Variants in RAB8B observed in about 807,000 individuals in gnomAD.
The protein encoded by RAB8B is ras-related protein Rab-8B.
In RAB8B, 11 loss-of-function variants were observed where a neutral mutation model predicts 32.0. That is an observed-to-expected ratio of 0.34 (90% confidence interval 0.22 to 0.57). The LOEUF is 0.57. Ranked by LOEUF, RAB8B falls within the 20% of genes least tolerant of loss-of-function variation. The pLI is 0.86. For synonymous variants in RAB8B, 103 were observed against 89.6 expected (o/e 1.15, Z -0.85); for missense variants, 190 against 258.5 (o/e 0.73, Z 1.82).
intron 1 of RAB8B, among the ~76,000 whole-genome samples, chr15:63,226,716 G>A (rs938663281): frequency 1.3e-5 from 2 of 152,182 alleles, no homozygotes; most frequent in Non-Finnish European, 2.9e-5. Flanking sequence ...AAGGGGTTCT[G>A]ATCCAGACCC....
intron 1 of RAB8B, among the ~76,000 whole-genome samples, chr15:63,217,351 A>G (rs191177376): frequency 2.0e-5 from 3 of 152,308 alleles, no homozygotes; most frequent in Admixed American, 1.3e-4. Context: ...GGGTTTTTCC[A>G]TTGGAACTTT....
At chr15:63,200,325 G>A (rs2037637046) in intron 1 of RAB8B, among the ~76,000 whole-genome samples, 1 of 152,148 alleles carries the variant, frequency 6.6e-6, no homozygotes, top group Admixed American at 6.5e-5. Flanking sequence ...TAAAATCTTT[G>A]TTGTACTAAA....
intron 1 of RAB8B, among the ~76,000 whole-genome samples, chr15:63,193,917 C>T (rs2141104731): frequency 6.6e-6 from 1 of 152,256 alleles, no homozygotes; most frequent in African/African-American, 2.4e-5. Context: ...GATTATATTT[C>T]CTCTGGGAAA....
chr15:63,197,987 G>T (rs572050946), intron 1 of RAB8B, among the ~76,000 whole-genome samples: 1 of 152,286 alleles, frequency 6.6e-6, no homozygotes, highest in Admixed American at 6.5e-5. Flanking sequence ...AATATTATTA[G>T]TAAATAATTA....
chr15:63,255,176 C>A (rs548595383), intron 3 of RAB8B, among the ~76,000 whole-genome samples: 2 of 152,114 alleles, frequency 1.3e-5, no homozygotes, highest in African/African-American at 4.8e-5. Flanking sequence ...TCAATGTTAT[C>A]GCTGTTTTGA....
rs1178215574 is a variant in RAB8B, at chr15:63,266,537, T to C, written c.*2918T>C. ...AGGTCTATTTTTTAATTATACCTCA[T>C]TTAGCTAACTAGTATTCTAATACCT... On this transcript the variant is annotated 3_prime_UTR_variant, in exon 8 of 8. Transcript: ENST00000321437. The C allele has an allele frequency of 6.6e-6, 1 of 152,592 alleles. No individual in the cohort carries two copies. The highest frequency in any genetic ancestry group is 1.5e-5 in the Non-Finnish European group (1 of 68,004). The allele number at this position is 152,592 out of a possible 1,614,324, so 9.5% of individuals were successfully genotyped here.
intron 1 of RAB8B, among the ~76,000 whole-genome samples, chr15:63,218,099 TC>T (rs1742145075): frequency 6.6e-6 from 1 of 151,302 alleles, no homozygotes; most frequent in South Asian, 2.1e-4. Flanking sequence ...GGTTATCTGT[TC>T]TTTTTTTTTT....
Position 63,265,350 on chromosome 15 carries a change from T to C in RAB8B, c.*1731T>C, listed in dbSNP as rs1192210363. ...ATTTTTAATAGATATACTAAACTTA[T>C]TGTTGACAAATTTCAGCCTCCTTAA... is the stretch of plus-strand genomic sequence containing the variant. On this transcript the variant is annotated 3_prime_UTR_variant, in exon 8 of 8. Transcript: ENST00000321437. This position sits in a 1 kb window ranked among gnomAD's most constrained non-coding sequence, Gnocchi z 4.9. 6.6e-6 allele frequency: 1 copy of C among 152,150 alleles called. No homozygotes were observed. The highest frequency in any genetic ancestry group is 2.4e-5 in the African/African-American group (1 of 41,442). 9.4% of individuals were successfully genotyped at this position (152,150 alleles called of 1,614,324 possible).
chr15:63,215,260 T>C (rs1345692118), intron 1 of RAB8B, among the ~76,000 whole-genome samples: 6 of 152,224 alleles, frequency 3.9e-5, no homozygotes, highest in Non-Finnish European at 7.3e-5. Context: ...ATCTTATTCA[T>C]TGATGCATTG....
At chr15:63,229,616 A>G (rs1039110308) in intron 1 of RAB8B, among the ~76,000 whole-genome samples, 1 of 151,992 alleles carries the variant, frequency 6.6e-6, no homozygotes, top group African/African-American at 2.4e-5. Flanking sequence ...CCATGTCTCA[A>G]CTAAAAATCC....
chr15:63,250,146 A>G (rs2038105587), intron 3 of RAB8B, among the ~76,000 whole-genome samples: 1 of 152,206 alleles, frequency 6.6e-6, no homozygotes, highest in Non-Finnish European at 1.5e-5. Context: ...CCGTCTCAAA[A>G]AAAAAGGTTT....
intron 1 of RAB8B, among the ~76,000 whole-genome samples, chr15:63,211,781 C>A (rs2037749254): frequency 6.6e-6 from 1 of 152,074 alleles, no homozygotes; most frequent in African/African-American, 2.4e-5. Context: ...ACTGTCATGG[C>A]TGAAGGGGAG....
intron 1 of RAB8B, among the ~76,000 whole-genome samples, chr15:63,204,118 C>T (rs1201706764): frequency 6.6e-6 from 1 of 151,862 alleles, no homozygotes; most frequent in African/African-American, 2.4e-5. Flanking sequence ...ATAAGAAGCA[C>T]CTGTTAGCAT....
intron 1 of RAB8B, among the ~76,000 whole-genome samples, chr15:63,200,648 CAAAA>C (rs1165302478): frequency 1.3e-5 from 1 of 75,674 alleles, no homozygotes. Flanking sequence ...CATGACAAGA[CAAAA>C]AAAAAAAAAA....
intron 1 of RAB8B, among the ~76,000 whole-genome samples, chr15:63,227,503 A>C (rs965561742): frequency 6.6e-6 from 1 of 152,234 alleles, no homozygotes; most frequent in Non-Finnish European, 1.5e-5. Flanking sequence ...GGGTAAATGA[A>C]GTTAACATTG....
At chr15:63,257,657 A>G (rs2038168637) in intron 5 of RAB8B, among the ~76,000 whole-genome samples, 2 of 152,200 alleles carry the variant, frequency 1.3e-5, no homozygotes, top group South Asian at 2.1e-4. Context: ...TAAATGAACT[A>G]GGAACTTTTT....
chr15:63,209,659 A>G (rs1825321475), intron 1 of RAB8B, among the ~76,000 whole-genome samples: 1 of 152,164 alleles, frequency 6.6e-6, no homozygotes, highest in African/African-American at 2.4e-5. Flanking sequence ...GGGAGCCTTT[A>G]AAGGTACCAG....
chr15:63,249,567 C>T, intron 2 of RAB8B, 78 bp from the exon 3 acceptor site: 1 of 1,348,408 alleles, frequency 7.4e-7, no homozygotes. Flanking sequence ...ACTAGAATTA[C>T]ATCTCCTACA....
chr15:63,258,897 G>A (rs2038179324), intron 5 of RAB8B, among the ~76,000 whole-genome samples: 1 of 152,100 alleles, frequency 6.6e-6, no homozygotes, highest in Non-Finnish European at 1.5e-5. Flanking sequence ...AAAAGGGGAG[G>A]AGGTTGCAAA....
Sources: gnomAD v4.1 joint callset for allele counts (sites outside exome capture counted in the v4.1 genomes callset) on GRCh38, gnomAD v4.1.1 for gene constraint, Gnocchi (gnomAD v3.1) non-coding constraint, MANE v1.5 for transcripts, NCBI Gene and HGNC (gene_info 2026-07-23, HGNC 2026-07-21) for gene names.